Variants in PEX5L observed in about 807,000 individuals in gnomAD.
PEX5L encodes the protein peroxisomal biogenesis factor 5 like.
PEX5L carries 30 observed loss-of-function variants against 84.0 expected under a neutral mutation model. The ratio of observed to expected loss-of-function variants is 0.36; its 90% CI spans 0.27 to 0.48. PEX5L has a LOEUF of 0.48. PEX5L is among the 20% of genes least tolerant of loss of function. The pLI, the probability that PEX5L is intolerant of heterozygous loss-of-function variation, is 0.99. For missense variants in PEX5L, 533 were observed against 754.6 expected, an observed-to-expected ratio of 0.71 and a Z score of 3.44; for synonymous variants, 270 against 283.1, an observed-to-expected ratio of 0.95 and a Z score of 0.46.
chr3:179,849,406 C>T (rs1037038131), intron 8 of PEX5L, among the ~76,000 whole-genome samples: 3 of 152,188 alleles, frequency 2.0e-5, no homozygotes, highest in African/African-American at 7.2e-5. Context: ...GATCTCATAG[C>T]ACATGAAATC....
chr3:180,024,089 A>C (rs1040799220), intron 1 of PEX5L, among the ~76,000 whole-genome samples: 14 of 152,022 alleles, frequency 9.2e-5, no homozygotes, highest in Non-Finnish European at 1.8e-4. Context: ...GAAAGGGTAC[A>C]TTTTTATTAT....
At chr3:179,970,894 A>G (rs1454015617) in intron 2 of PEX5L, among the ~76,000 whole-genome samples, 1 of 152,120 alleles carries the variant, frequency 6.6e-6, no homozygotes, top group African/African-American at 2.4e-5. Flanking sequence ...ATGTGCAGTT[A>G]TCTTGTCTCC....
chr3:179,853,709 G>A (rs935862791), intron 8 of PEX5L, among the ~76,000 whole-genome samples: 7 of 152,008 alleles, frequency 4.6e-5, no homozygotes, highest in African/African-American at 1.7e-4. Context: ...CTATCTCTTT[G>A]TCCTAAAATT....
At chr3:179,899,575 A>G (rs1236596552) in intron 2 of PEX5L, among the ~76,000 whole-genome samples, 1 of 152,142 alleles carries the variant, frequency 6.6e-6, no homozygotes, top group African/African-American at 2.4e-5. Flanking sequence ...AAGTATTTAG[A>G]AGGTAGGTTT....
intron 2 of PEX5L, among the ~76,000 whole-genome samples, chr3:179,917,228 A>G (rs963198477): frequency 2.0e-5 from 3 of 152,044 alleles, no homozygotes; most frequent in Admixed American, 2.0e-4. Context: ...GTCCCACTGG[A>G]AAGTCTTCTG....
rs570241609 is a variant in PEX5L, at chr3:179,894,684, CT to C, written c.198+3457del. On this transcript the variant is annotated intron_variant, in intron 3 of 14. Coordinates refer to ENST00000467460, the MANE Select transcript of PEX5L (RefSeq NM_016559.3). ...AATATTCTTCCAATCGAGGACATTA[CT>C]TTTTTATCTTTATCAGAAACAAAAA... 1.2e-4 allele frequency among the ~76,000 whole-genome samples: 19 copies of C among 152,198 alleles called. No individual in the cohort carries two copies. In the South Asian group the frequency reaches 3.5e-3, roughly 28 times the overall value.
At chr3:179,938,627 C>A (rs1207111833) in intron 2 of PEX5L, among the ~76,000 whole-genome samples, 3 of 152,140 alleles carry the variant, frequency 2.0e-5, no homozygotes, top group Admixed American at 1.3e-4. Flanking sequence ...CAGAGGAACA[C>A]AATGAAAAAG....
At chr3:179,864,589 G>C (rs1747445596) in intron 7 of PEX5L, among the ~76,000 whole-genome samples, 1 of 151,916 alleles carries the variant, frequency 6.6e-6, no homozygotes, top group African/African-American at 2.4e-5. Context: ...TTAGATAGGA[G>C]GAAAAAGTTC....
At chr3:180,014,973 G>T (rs1196293869) in intron 1 of PEX5L, among the ~76,000 whole-genome samples, 1 of 152,110 alleles carries the variant, frequency 6.6e-6, no homozygotes, top group Non-Finnish European at 1.5e-5. Context: ...ATTTTATTCA[G>T]CACTGACATA....
intron 8 of PEX5L, among the ~76,000 whole-genome samples, chr3:179,830,422 A>T (rs1213684723): frequency 6.6e-6 from 1 of 152,108 alleles, no homozygotes; most frequent in Non-Finnish European, 1.5e-5. Flanking sequence ...GCTGAAATCA[A>T]ACTGGCTGAC....
intron 8 of PEX5L, among the ~76,000 whole-genome samples, chr3:179,849,297 T>C (rs939232218): frequency 1.3e-5 from 2 of 152,244 alleles, no homozygotes; most frequent in Non-Finnish European, 2.9e-5. Flanking sequence ...CTAAATTATG[T>C]CTGTGAAATC....
At chr3:179,914,470 T>G (rs1766308327) in intron 2 of PEX5L, among the ~76,000 whole-genome samples, 1 of 152,166 alleles carries the variant, frequency 6.6e-6, no homozygotes, top group African/African-American at 2.4e-5. Flanking sequence ...ACCACTTTTT[T>G]TTAATGGAGG....
chr3:179,891,479 G>A (rs544716196), intron 3 of PEX5L, among the ~76,000 whole-genome samples: 23 of 152,202 alleles, frequency 1.5e-4, no homozygotes, highest in Admixed American at 7.9e-4. Flanking sequence ...TGGGAGATAC[G>A]GAAGATGAAA....
chr3:179,865,540 AG>A (rs1193069906), intron 7 of PEX5L, among the ~76,000 whole-genome samples: 2 of 151,844 alleles, frequency 1.3e-5, no homozygotes, highest in Non-Finnish European at 2.9e-5. Context: ...CACAGGCAAA[AG>A]CTGTGGGAAG....
At chr3:179,849,319 G>A (rs1740858769) in intron 8 of PEX5L, among the ~76,000 whole-genome samples, 1 of 152,130 alleles carries the variant, frequency 6.6e-6, no homozygotes, top group Non-Finnish European at 1.5e-5. Context: ...CCAGTTTGAA[G>A]TGCTAATTAT....
At chr3:179,910,073 G>T (rs1033528152) in intron 2 of PEX5L, among the ~76,000 whole-genome samples, 1 of 152,208 alleles carries the variant, frequency 6.6e-6, no homozygotes, top group Non-Finnish European at 1.5e-5. Flanking sequence ...AATCCAGAAA[G>T]AATTCACTAA....
At chr3:179,810,955 C>T (rs1025592383) in intron 11 of PEX5L, among the ~76,000 whole-genome samples, 22 of 152,106 alleles carry the variant, frequency 1.4e-4, no homozygotes, top group Admixed American at 1.3e-4. Flanking sequence ...CTGTTACATA[C>T]TCTCTGTGTG....
intron 1 of PEX5L, among the ~76,000 whole-genome samples, chr3:179,980,247 T>A (rs1167051155): frequency 6.6e-6 from 1 of 152,176 alleles, no homozygotes; most frequent in East Asian, 1.9e-4. Context: ...TTAAGCTACA[T>A]GTATGTGACT....
At chr3:179,966,960 T>C (rs778352232) in intron 2 of PEX5L, among the ~76,000 whole-genome samples, 2 of 152,304 alleles carry the variant, frequency 1.3e-5, no homozygotes, top group East Asian at 1.9e-4. Flanking sequence ...TCATAACTAC[T>C]TTTAGCTCTA....
Sources: allele counts gnomAD v4.1 joint callset (sites outside exome capture counted in the v4.1 genomes callset), GRCh38; gene constraint gnomAD v4.1.1; transcripts MANE v1.5; gene names NCBI Gene and HGNC (gene_info 2026-07-23, HGNC 2026-07-21).